The following STPG2 variants were observed in gnomAD, a reference collection of about 807,000 sequenced individuals.
The protein encoded by STPG2 is sperm tail PG-rich repeat containing 2.
Under a neutral mutation model 54.2 loss-of-function variants are expected in STPG2, and 56 were observed. The ratio of observed to expected loss-of-function variants is 1.03; its 90% CI spans 0.83 to 1.29. The LOEUF is 1.29. Ranked by LOEUF, STPG2 falls within the 50% of genes most tolerant of loss-of-function variation. The pLI is 0.00. For synonymous variants in STPG2, 200 were observed against 181.8 expected, an observed-to-expected ratio of 1.10 and a Z score of -0.81; for missense variants, 596 against 544.9, an observed-to-expected ratio of 1.09 and a Z score of -0.93.
At chr4:98,046,660 T>G (rs938992471) in intron 5 of STPG2, among the ~76,000 whole-genome samples, 3 of 152,166 alleles carry the variant, frequency 2.0e-5, no homozygotes, top group Non-Finnish European at 2.9e-5. Flanking sequence ...GAGTTAGACA[T>G]GTGTTCCAGT....
intron 5 of STPG2, among the ~76,000 whole-genome samples, chr4:97,991,377 GTA>G (rs571892300): frequency 4.1e-5 from 6 of 144,996 alleles, no homozygotes; most frequent in African/African-American, 1.3e-4. Context: ...ATATATATAT[GTA>G]TATATATGTG....
At chr4:97,723,878 C>A (rs1724536171) in intron 9 of STPG2, among the ~76,000 whole-genome samples, 1 of 152,130 alleles carries the variant, frequency 6.6e-6, no homozygotes, top group Non-Finnish European at 1.5e-5. Context: ...GGAAACTGTT[C>A]CCATGATCCA....
intron 4 of STPG2, among the ~76,000 whole-genome samples, chr4:97,469,257 T>C (rs1053484337): frequency 7.9e-5 from 12 of 152,246 alleles, no homozygotes; most frequent in Non-Finnish European, 1.8e-4. Context: ...TTTAAATGCA[T>C]GTTAATACAT....
chr4:97,490,174 C>T (rs1414813027), intron 4 of STPG2: 2 of 151,512 alleles, frequency 1.3e-5, no homozygotes, highest in East Asian at 3.9e-4. Context: ...GTTATGGATA[C>T]ATAAATATGA....
At chr4:97,990,628 A>C (rs1365902634) in intron 5 of STPG2, among the ~76,000 whole-genome samples, 1 of 152,198 alleles carries the variant, frequency 6.6e-6, no homozygotes, top group Non-Finnish European at 1.5e-5. Context: ...ACAGACTGGC[A>C]CAAAATGAAT....
At chr4:97,671,878 T>C (rs572637111) in intron 10 of STPG2, among the ~76,000 whole-genome samples, 2 of 152,308 alleles carry the variant, frequency 1.3e-5, no homozygotes, top group African/African-American at 4.8e-5. Context: ...TTATTATTGC[T>C]ATATTCCTAA....
At chr4:97,827,452 G>T (rs1560543467) in intron 9 of STPG2, among the ~76,000 whole-genome samples, 1 of 151,960 alleles carries the variant, frequency 6.6e-6, no homozygotes, top group Admixed American at 6.6e-5. Flanking sequence ...AGCCAGGATG[G>T]TCTCAATCTC....
At chr4:97,789,280 A>C (rs1298413308) in intron 9 of STPG2, among the ~76,000 whole-genome samples, 2 of 152,052 alleles carry the variant, frequency 1.3e-5, no homozygotes, top group Non-Finnish European at 2.9e-5. Flanking sequence ...CCTCATCAAA[A>C]ACTAAAATAC....
intron 4 of STPG2, among the ~76,000 whole-genome samples, chr4:97,535,130 T>G (rs1375252151): frequency 2.6e-5 from 4 of 152,236 alleles, no homozygotes; most frequent in African/African-American, 4.8e-5. Context: ...GCTTTTCATT[T>G]CATTTGGGCA....
At chr4:98,008,202 T>C (rs1432258955) in intron 5 of STPG2, among the ~76,000 whole-genome samples, 1 of 152,000 alleles carries the variant, frequency 6.6e-6, no homozygotes, top group East Asian at 1.9e-4. Flanking sequence ...GAAAAGCATC[T>C]AGTCACATAT....
intron 5 of STPG2, among the ~76,000 whole-genome samples, chr4:97,998,876 TTCCTGA>T (rs1200135286): frequency 1.3e-5 from 2 of 152,156 alleles, no homozygotes; most frequent in Non-Finnish European, 1.5e-5. Context: ...ATGTCAGTGG[TTCCTGA>T]TCCAAGACAG....
rs79461596 is a variant in STPG2, at chr4:97,458,272, T to C, written c.462+254427A>G. On this transcript the variant is annotated intron_variant, in intron 4 of 4. Coordinates refer to the STPG2 transcript ENST00000522676. Reference sequence around the variant, plus strand: ...CTAATGTCCACTTAGAATTTTTATATTCTGTGTTCTATGGATGCAAAATTG... The same window carrying C: ...CTAATGTCCACTTAGAATTTTTATACTCTGTGTTCTATGGATGCAAAATTG... 2.1e-3 allele frequency among the ~76,000 whole-genome samples: 317 copies of C among 152,328 alleles called. 1 individual carries two copies. The highest frequency in any genetic ancestry group is 0.01 in the South Asian group (49 of 4,832).
At chr4:97,965,367 C>T (rs1420226946) in intron 7 of STPG2, among the ~76,000 whole-genome samples, 2 of 152,236 alleles carry the variant, frequency 1.3e-5, no homozygotes, top group African/African-American at 4.8e-5. Flanking sequence ...ACCACTGCAG[C>T]TCAGCAAGGC....
intron 6 of STPG2, among the ~76,000 whole-genome samples, chr4:97,979,847 C>A (rs1734614907): frequency 6.6e-6 from 1 of 151,880 alleles, no homozygotes; most frequent in African/African-American, 2.4e-5. Context: ...GCCTCAGCCT[C>A]CCCAATAGCT....
intron 7 of STPG2, among the ~76,000 whole-genome samples, chr4:97,961,050 A>G (rs1733863401): frequency 6.6e-6 from 1 of 151,922 alleles, no homozygotes; most frequent in East Asian, 1.9e-4. Flanking sequence ...CTAAATACTT[A>G]CAGTCAACTG....
chr4:97,830,450 G>A (rs917907095), intron 9 of STPG2, among the ~76,000 whole-genome samples: 2 of 152,128 alleles, frequency 1.3e-5, no homozygotes, highest in African/African-American at 4.8e-5. Flanking sequence ...TCAACTCTAT[G>A]AAGAAACTGC....
intron 9 of STPG2, among the ~76,000 whole-genome samples, chr4:97,779,903 G>A (rs1406770900): frequency 6.6e-6 from 1 of 152,016 alleles, no homozygotes; most frequent in Non-Finnish European, 1.5e-5. Flanking sequence ...TCACCACCAG[G>A]CCTGCCCTAA....
chr4:97,802,845 C>G (rs1560534874), intron 9 of STPG2, among the ~76,000 whole-genome samples: 1 of 152,176 alleles, frequency 6.6e-6, no homozygotes, highest in East Asian at 1.9e-4. Context: ...CTTTCATCAC[C>G]AACATAAATT....
intron 10 of STPG2, among the ~76,000 whole-genome samples, chr4:97,677,357 T>TAATCA (rs2148975133): frequency 6.6e-6 from 1 of 152,294 alleles, no homozygotes; most frequent in South Asian, 2.1e-4. Context: ...TATAACAATT[T>TAATCA]AATCATGAAA....
Sources: allele counts gnomAD v4.1 joint callset (sites outside exome capture counted in the v4.1 genomes callset), GRCh38; gene constraint gnomAD v4.1.1; transcripts MANE v1.5; gene names NCBI Gene and HGNC (gene_info 2026-07-23, HGNC 2026-07-21).